CDKAL1: variants seen among roughly 807,000 people sequenced by gnomAD.
CDKAL1 encodes CDKAL1 threonylcarbamoyladenosine tRNA methylthiotransferase.
In CDKAL1, 32 loss-of-function variants were observed where a neutral mutation model predicts 68.2. That is an observed-to-expected ratio of 0.47 (90% CI 0.35 to 0.63). CDKAL1 has a LOEUF of 0.63. CDKAL1 is among the 30% of genes least tolerant of loss of function. The pLI is 0.00. For synonymous variants in CDKAL1, 234 were observed against 244.3 expected (o/e 0.96, Z 0.39); for missense variants, 606 against 696.7 (o/e 0.87, Z 1.47).
intron 9 of CDKAL1, among the ~76,000 whole-genome samples, chr6:20,911,394 G>T (rs932144406): frequency 6.6e-6 from 1 of 152,192 alleles, no homozygotes; most frequent in East Asian, 1.9e-4. Flanking sequence ...AAAAGGAGGC[G>T]CTCTGTTGAG....
chr6:21,205,555 G>T (rs1195077257), intron 15 of CDKAL1, among the ~76,000 whole-genome samples: 3 of 151,582 alleles, frequency 2.0e-5, no homozygotes, highest in Non-Finnish European at 4.4e-5. Flanking sequence ...TTTTGAGACA[G>T]AGTCTCGCCC....
At chr6:20,972,090 T>C (rs1022708233) in intron 10 of CDKAL1, among the ~76,000 whole-genome samples, 5 of 152,110 alleles carry the variant, frequency 3.3e-5, no homozygotes, top group African/African-American at 1.2e-4. Context: ...TTGAATTGAG[T>C]CCTCCATTCA....
intron 5 of CDKAL1, among the ~76,000 whole-genome samples, chr6:20,700,470 G>A (rs1771301461): frequency 6.6e-6 from 1 of 152,008 alleles, no homozygotes; most frequent in Non-Finnish European, 1.5e-5. Flanking sequence ...TATAAACCTA[G>A]AGAAACAAGG....
intron 8 of CDKAL1, among the ~76,000 whole-genome samples, chr6:20,831,963 A>G (rs1218268722): frequency 6.6e-6 from 1 of 152,160 alleles, no homozygotes; most frequent in Non-Finnish European, 1.5e-5. Flanking sequence ...ATCGCCGGCC[A>G]GTACGCTTCT....
At chr6:21,172,790 T>C (rs998103566) in intron 13 of CDKAL1, among the ~76,000 whole-genome samples, 7 of 152,144 alleles carry the variant, frequency 4.6e-5, no homozygotes, top group African/African-American at 1.4e-4. Flanking sequence ...AGCTTTCTTC[T>C]CTAGAGTTTT....
At chr6:21,224,399 C>T (rs749538897) in intron 15 of CDKAL1, among the ~76,000 whole-genome samples, 3 of 152,154 alleles carry the variant, frequency 2.0e-5, no homozygotes, top group East Asian at 1.9e-4. Flanking sequence ...TGGTGACACG[C>T]GCTACTCGGG....
At chr6:20,951,516 A>T (rs1389382363) in intron 9 of CDKAL1, among the ~76,000 whole-genome samples, 1 of 152,164 alleles carries the variant, frequency 6.6e-6, no homozygotes, top group Non-Finnish European at 1.5e-5. Context: ...GTTGCTGTTT[A>T]TTCAGGGAAA....
intron 4 of CDKAL1, among the ~76,000 whole-genome samples, chr6:20,577,059 C>G (rs940765328): frequency 2.0e-5 from 3 of 152,138 alleles, no homozygotes; most frequent in African/African-American, 7.2e-5. Flanking sequence ...TCCATACACT[C>G]CTATTACAAG....
intron 10 of CDKAL1, among the ~76,000 whole-genome samples, chr6:20,982,229 T>C (rs866269680): frequency 6.6e-6 from 1 of 151,974 alleles, no homozygotes; most frequent in South Asian, 2.1e-4. Flanking sequence ...TGGCTTATCT[T>C]AGTATTATTT....
intron 7 of CDKAL1, among the ~76,000 whole-genome samples, chr6:20,775,580 A>G (rs1267773543): frequency 1.3e-5 from 2 of 152,144 alleles, no homozygotes; most frequent in Non-Finnish European, 2.9e-5. Flanking sequence ...TTTACCTTTC[A>G]CATCTCAACT....
Position 20,612,757 on chromosome 6 carries a change from T to G in CDKAL1, c.287-36536T>G, listed in dbSNP as rs531824852. On this transcript the variant is annotated intron_variant, in intron 4 of 15. Transcript: ENST00000274695. ...CTTTTTAGCTTGATGTAAAACCATT[T>G]GTCTACTTTTGGTTTTGTTGTCTGT... Among the ~76,000 whole-genome samples, 4 of 152,274 alleles carry G rather than the reference T, an allele frequency of 2.6e-5. No individual in the cohort carries two copies. In the East Asian group the frequency reaches 5.8e-4, roughly 22 times the overall value.
intron 5 of CDKAL1, among the ~76,000 whole-genome samples, chr6:20,667,818 A>G (rs1769624306): frequency 6.6e-6 from 1 of 152,086 alleles, no homozygotes; most frequent in African/African-American, 2.4e-5. Flanking sequence ...AGTACACTGA[A>G]TTTTTGTATA....
rs368157724 is a variant in CDKAL1, at chr6:21,130,983, C to T, written c.1299+22520C>T. Among the ~76,000 whole-genome samples the T allele has an allele frequency of 6.2e-4, 94 of 152,316 alleles. 1 individual carries two copies. The highest frequency in any genetic ancestry group is 2.2e-3 in the African/African-American group (90 of 41,562). Reference sequence around the variant, plus strand: ...CCCCAGTTTTCCTTCTGCACCAGCTCCCAGGATGGGATTAAAAGGAGAGTG... The same window carrying T: ...CCCCAGTTTTCCTTCTGCACCAGCTTCCAGGATGGGATTAAAAGGAGAGTG... On this transcript the variant is annotated intron_variant, in intron 13 of 15. Coordinates refer to ENST00000274695, the MANE Select transcript of CDKAL1 (RefSeq NM_017774.3).
At chr6:21,212,030 G>A (rs563260526) in intron 15 of CDKAL1, among the ~76,000 whole-genome samples, 24 of 152,228 alleles carry the variant, frequency 1.6e-4, no homozygotes, top group Non-Finnish European at 2.9e-4. Flanking sequence ...TAGAGTGCTG[G>A]GATTACAGGT....
intron 5 of CDKAL1, among the ~76,000 whole-genome samples, chr6:20,710,741 T>A (rs1440743809): frequency 2.6e-5 from 4 of 152,228 alleles, no homozygotes; most frequent in African/African-American, 9.6e-5. Flanking sequence ...GTGCATCTGT[T>A]ACCTTAATTT....
intron 7 of CDKAL1, among the ~76,000 whole-genome samples, chr6:20,772,549 G>A (rs1410287797): frequency 6.6e-6 from 1 of 152,068 alleles, no homozygotes; most frequent in Non-Finnish European, 1.5e-5. Context: ...TAGACTAAAA[G>A]GACATTTTGC....
intron 13 of CDKAL1, among the ~76,000 whole-genome samples, chr6:21,150,196 A>T (rs1776349848): frequency 6.6e-6 from 1 of 152,092 alleles, no homozygotes; most frequent in Non-Finnish European, 1.5e-5. Context: ...GATGGTGAGG[A>T]TCTAAAAATT....
chr6:21,013,638 C>T (rs1242777502), intron 11 of CDKAL1, among the ~76,000 whole-genome samples: 1 of 152,174 alleles, frequency 6.6e-6, no homozygotes, highest in Non-Finnish European at 1.5e-5. Context: ...TAGCTATAGA[C>T]TAAGTTAACA....
intron 4 of CDKAL1, among the ~76,000 whole-genome samples, chr6:20,560,959 A>G (rs893232050): frequency 6.6e-6 from 1 of 152,256 alleles, no homozygotes; most frequent in Non-Finnish European, 1.5e-5. Context: ...AACTCCTTGC[A>G]TAAAATGTAG....
Sources: gnomAD v4.1 joint callset for allele counts (sites outside exome capture counted in the v4.1 genomes callset) on GRCh38, gnomAD v4.1.1 for gene constraint, MANE v1.5 for transcripts, NCBI Gene and HGNC (gene_info 2026-07-23, HGNC 2026-07-21) for gene names.